RPF2: variants seen among roughly 807,000 people sequenced by gnomAD.
The protein encoded by RPF2 is ribosome production factor 2 homolog, also known as brix domain containing 1.
Under a neutral mutation model 38.9 loss-of-function variants are expected in RPF2, and 21 were observed. The ratio of observed to expected loss-of-function variants is 0.54; its 90% confidence interval spans 0.38 to 0.78. The LOEUF (loss-of-function observed/expected upper bound fraction) is 0.78, where lower values mean the gene tolerates loss of function less well. Ranked by LOEUF, RPF2 falls within the 30% of genes least tolerant of loss-of-function variation. The pLI is 0.00. For missense variants in RPF2, 314 were observed against 358.1 expected (o/e 0.88, Z 0.99); for synonymous variants, 121 against 126.2 (o/e 0.96, Z 0.28).
intron 6 of RPF2, among the ~76,000 whole-genome samples, chr6:111,007,308 C>T (rs140655999): frequency 2.0e-4 from 30 of 152,190 alleles, no homozygotes; most frequent in African/African-American, 5.8e-4. Flanking sequence ...TAATTTTATT[C>T]TTTGCGTAGA....
At chr6:110,997,026 T>TC (rs1771723303) in intron 4 of RPF2, among the ~76,000 whole-genome samples, 157 bp from the exon 5 acceptor site, 1 of 152,166 alleles carries the variant, frequency 6.6e-6, no homozygotes, top group Non-Finnish European at 1.5e-5. Context: ...GGTCTCAAAC[T>TC]CCTGATCTCA....
intron 6 of RPF2, among the ~76,000 whole-genome samples, chr6:111,006,071 G>A (rs952375214): frequency 6.6e-6 from 1 of 151,790 alleles, no homozygotes; most frequent in African/African-American, 2.4e-5. Context: ...CTCCGAAAGT[G>A]CTGGGATTAT....
In RPF2 at chr6:111,000,245, C is replaced by T. The variant is rs566967489; in HGVS notation, c.393+458C>T. ...CTCAACCCCCAAGTAGCTGGGACTA[C>T]AGGCACATGCCAGCACGCCCAGCTA... On this transcript the variant is annotated intron_variant, in intron 6 of 9. Transcript: ENST00000441448. Among the ~76,000 whole-genome samples, 23 of 152,212 alleles carry T rather than the reference C, an allele frequency of 1.5e-4. No homozygotes were observed. The South Asian group carries it at 4.6e-3, about 30-fold the overall frequency.
At chr6:111,004,152 C>CA (rs1251232854) in intron 6 of RPF2, among the ~76,000 whole-genome samples, 21 of 151,708 alleles carry the variant, frequency 1.4e-4, no homozygotes, top group Non-Finnish European at 2.4e-4. Flanking sequence ...TCAGGGTCTT[C>CA]ATCATGTGCA....
rs1216891227 is a variant in RPF2, at chr6:110,982,098, G to A, written c.-9G>A. 3.7e-6 allele frequency: 6 copies of A among 1,614,230 alleles called. No individual in the cohort carries two copies. Among genetic ancestry groups the A allele is most frequent in the Non-Finnish European group, 5.1e-6 (6 of 1,180,028 alleles). On this transcript the variant is annotated 5_prime_UTR_variant, in exon 1 of 10. Coordinates refer to ENST00000441448, the MANE Select transcript of RPF2 (RefSeq NM_032194.3). ...GCCCCCTGGTTAAGAGTTGCAGGTA[G>A]CGGTAGCGATGGACACTCTGGATCG...
chr6:110,998,063 C>A (rs977785888), intron 5 of RPF2, among the ~76,000 whole-genome samples: 7 of 152,062 alleles, frequency 4.6e-5, no homozygotes, highest in African/African-American at 1.7e-4. Context: ...CACCACCACA[C>A]CCAGCTAATT....
intron 7 of RPF2, among the ~76,000 whole-genome samples, chr6:111,014,215 C>T (rs1419232921): frequency 6.6e-6 from 1 of 151,606 alleles, no homozygotes. Context: ...CGGCTCACTG[C>T]AATCTCCGCC....
intron 6 of RPF2, among the ~76,000 whole-genome samples, chr6:111,006,137 C>A (rs1771903591): frequency 6.6e-6 from 1 of 151,566 alleles, no homozygotes; most frequent in Admixed American, 6.6e-5. Flanking sequence ...GACCGTGTCT[C>A]CCAGGCTGGT....
At chr6:110,992,181 A>G (rs1771632576) in intron 4 of RPF2, among the ~76,000 whole-genome samples, 1 of 152,062 alleles carries the variant, frequency 6.6e-6, no homozygotes, top group African/African-American at 2.4e-5. Context: ...GTGATGGCAC[A>G]TGCCTGTAAT....
intron 2 of RPF2, 53 bp downstream of exon 2, chr6:110,985,191 C>T: frequency 6.7e-7 from 1 of 1,488,194 alleles, no homozygotes. Context: ...TTAGAATTTT[C>T]AGCATGCTAG....
In RPF2 at chr6:111,008,103, A is replaced by G. The variant is rs1233967621; in HGVS notation, c.459A>G (p.Thr153=). 1.9e-6 allele frequency: 3 copies of G among 1,604,352 alleles called. No homozygotes were observed. Among genetic ancestry groups the G allele is most frequent in the Non-Finnish European group, 2.6e-6 (3 of 1,176,190 alleles). ...TTGCTGGCGATGATTTCGATGTAACAGAAGATTATAGAAGACTAAAAAGTC... is the reference window on the plus strand; with the variant it reads ...TTGCTGGCGATGATTTCGATGTAACGGAAGATTATAGAAGACTAAAAAGTC... ...LIFAGDDFDV[T]EDYRRLKSLL... is the part of the protein sequence containing the mutation. The change falls in exon 7 of 10, where the codon ACA becomes ACG. Residue 153 remains threonine, a synonymous_variant. Transcript: ENST00000441448.
intron 8 of RPF2, among the ~76,000 whole-genome samples, chr6:111,022,160 C>G (rs1343763448): frequency 6.6e-6 from 1 of 152,148 alleles, no homozygotes; most frequent in Non-Finnish European, 1.5e-5. Flanking sequence ...ATATGCAAAA[C>G]AAAGTGGTAG....
At chr6:110,989,504 G>T (rs1455114183) in intron 3 of RPF2, among the ~76,000 whole-genome samples, 3 of 152,092 alleles carry the variant, frequency 2.0e-5, no homozygotes, top group African/African-American at 7.2e-5. Context: ...CGGCTGGAGT[G>T]CAGTGGCATG....
rs530924974 is a variant in RPF2, at chr6:110,986,909, C to T, written c.156+1771C>T. 8.9e-4 allele frequency among the ~76,000 whole-genome samples: 133 copies of T among 149,082 alleles called. 1 individual carries two copies. The highest frequency in any genetic ancestry group is 6.2e-3 in the Admixed American group (91 of 14,656). ...TGGAGGTTGGAGTGAGCTGAGACCACGCCATTGCACTTACTCCAGCCTGGG... is the reference window on the plus strand; with the variant it reads ...TGGAGGTTGGAGTGAGCTGAGACCATGCCATTGCACTTACTCCAGCCTGGG... On this transcript the variant is annotated intron_variant, in intron 2 of 9. Transcript: ENST00000441448.
chr6:110,994,097 A>G (rs1016804775), intron 4 of RPF2, among the ~76,000 whole-genome samples: 2 of 151,998 alleles, frequency 1.3e-5, no homozygotes, highest in African/African-American at 4.8e-5. Context: ...ACCAACATGG[A>G]TAAACCCTGT....
intron 4 of RPF2, 106 bp downstream of exon 4, chr6:110,991,892 T>C: frequency 2.6e-6 from 1 of 389,654 alleles, no homozygotes; most frequent in Non-Finnish European, 4.8e-6. Context: ...TTAGAAGTCA[T>C]CCTGTGTGAG....
At chr6:111,023,512 A>G (rs1772268557) in intron 8 of RPF2, among the ~76,000 whole-genome samples, 1 of 152,238 alleles carries the variant, frequency 6.6e-6, no homozygotes, top group African/African-American at 2.4e-5. Flanking sequence ...AAGAAGTCAA[A>G]TCAAAGGATT....
In RPF2 at chr6:110,994,727, G is replaced by GTATATATATATATATATATATA. The variant is rs147149680; in HGVS notation, c.235-2448_235-2447insTATATATATATATATATATATA. Among the ~76,000 whole-genome samples, 269 of 107,078 alleles carry GTATATATATATATATATATATA rather than the reference G, an allele frequency of 2.5e-3. 1 individual carries two copies. Among genetic ancestry groups the GTATATATATATATATATATATA allele is most frequent in the African/African-American group, 5.2e-3 (114 of 21,772 alleles). 70.2% of individuals were successfully genotyped at this position (107,078 alleles called of 152,430 possible). ...GCAGACTTTGTGGAGAATGGGATGA[G>GTATATATATATATATATATATA]TATATATACACACACACACACACAC... On this transcript the variant is annotated intron_variant, in intron 4 of 9. Coordinates refer to ENST00000441448, the MANE Select transcript of RPF2 (RefSeq NM_032194.3).
At chr6:110,999,092 T>C (rs559846712) in intron 5 of RPF2, among the ~76,000 whole-genome samples, 1 of 152,298 alleles carries the variant, frequency 6.6e-6, no homozygotes, top group East Asian at 1.9e-4. Context: ...TGCCTTTTCC[T>C]TCTGTCTCTG....
Sources: allele counts gnomAD v4.1 joint callset (sites outside exome capture counted in the v4.1 genomes callset), GRCh38; gene constraint gnomAD v4.1.1; transcripts MANE v1.5; gene names NCBI Gene and HGNC (gene_info 2026-07-23, HGNC 2026-07-21).